Variants in CDHR3 observed in about 807,000 individuals in gnomAD.
CDHR3 encodes cadherin-related family member 3.
In CDHR3, 79 loss-of-function variants were observed where a neutral mutation model predicts 86.6. That is an observed-to-expected ratio of 0.91 (90% CI 0.76 to 1.10). The LOEUF is 1.10. Among genes scored for constraint, CDHR3 ranks in the 50% least tolerant of loss-of-function variants. The probability of loss-of-function intolerance (pLI) is 0.00; values close to 1 mark genes in which losing one functional copy is unlikely to be tolerated. For synonymous variants in CDHR3, 421 were observed against 402.4 expected, an observed-to-expected ratio of 1.05 and a Z score of -0.55; for missense variants, 1,081 against 1,077.6, an observed-to-expected ratio of 1.00 and a Z score of -0.04.
chr7:105,971,815 C>G (rs889361245), intron 1 of CDHR3, among the ~76,000 whole-genome samples: 1 of 152,172 alleles, frequency 6.6e-6, no homozygotes, highest in Non-Finnish European at 1.5e-5. Context: ...TGAGCTCACA[C>G]CACGCTCACA....
At chr7:105,969,259 C>T (rs1237687666) in intron 1 of CDHR3, among the ~76,000 whole-genome samples, 2 of 149,656 alleles carry the variant, frequency 1.3e-5, no homozygotes, top group Non-Finnish European at 3.0e-5. Flanking sequence ...ATTAGCCGGG[C>T]GAGGTGGCGG....
chr7:105,971,370 C>T (rs1827950361), intron 1 of CDHR3, among the ~76,000 whole-genome samples: 1 of 152,136 alleles, frequency 6.6e-6, no homozygotes, highest in Non-Finnish European at 1.5e-5. Context: ...TGGCTTTCAC[C>T]ATACATGGGA....
chr7:105,991,102 T>C (rs1831287124), intron 4 of CDHR3, among the ~76,000 whole-genome samples: 2 of 152,240 alleles, frequency 1.3e-5, no homozygotes, highest in South Asian at 4.1e-4. Context: ...CTCAGGACTT[T>C]TCTTAGCCAG....
intron 6 of CDHR3, among the ~76,000 whole-genome samples, chr7:105,998,009 T>C (rs1223064198): frequency 6.6e-6 from 1 of 152,148 alleles, no homozygotes; most frequent in African/African-American, 2.4e-5. Context: ...AGGGTGTGTC[T>C]GCCAGAGCCT....
rs1037443393 is a variant in CDHR3 at position 106,000,642 on chromosome 7, G to C, written c.714-820G>C. 2.7e-4 allele frequency among the ~76,000 whole-genome samples: 41 copies of C among 152,098 alleles called. 1 individual carries two copies. The highest frequency in any genetic ancestry group is 1.5e-3 in the Admixed American group (23 of 15,278). On this transcript the variant is annotated intron_variant, in intron 6 of 18. Coordinates refer to ENST00000317716, the MANE Select transcript of CDHR3 (RefSeq NM_152750.5). ...TGTTTTAAACAATAAGCCTCCCTTA[G>C]AGCATTCAAAATTACTCAATGTATA...
At chr7:106,024,275 G>A (rs1837018764) in intron 14 of CDHR3, 106 bp from the exon 15 acceptor site, 9 of 955,380 alleles carry the variant, frequency 9.4e-6, no homozygotes, top group Non-Finnish European at 1.4e-5. Context: ...AACTTATAGA[G>A]CAATAACAAT....
intron 12 of CDHR3, among the ~76,000 whole-genome samples, chr7:106,019,860 G>C (rs1468386874): frequency 6.6e-6 from 1 of 152,202 alleles, no homozygotes; most frequent in Non-Finnish European, 1.5e-5. Flanking sequence ...TGGTTCTGAA[G>C]TGGGCCCAAG....
chr7:106,016,784 C>T (rs1835696872), intron 11 of CDHR3, among the ~76,000 whole-genome samples: 2 of 151,470 alleles, frequency 1.3e-5, no homozygotes. Context: ...ATGCAAAATG[C>T]AAGTCCAAAG....
At chr7:106,008,204 C>T (rs923665586) in intron 8 of CDHR3, among the ~76,000 whole-genome samples, 1 of 151,988 alleles carries the variant, frequency 6.6e-6, no homozygotes, top group Non-Finnish European at 1.5e-5. Flanking sequence ...CACAGCCAAA[C>T]CATATCAGAT....
intron 12 of CDHR3, among the ~76,000 whole-genome samples, chr7:106,019,945 G>A (rs1392897579): frequency 6.6e-6 from 1 of 152,090 alleles, no homozygotes; most frequent in Non-Finnish European, 1.5e-5. Flanking sequence ...GGGGCAGCAG[G>A]CAAGGTGGCA....
intron 17 of CDHR3, among the ~76,000 whole-genome samples, chr7:106,028,925 T>TTTCTTTCTTTCC (rs1837825993): frequency 1.1e-5 from 1 of 88,282 alleles, no homozygotes; most frequent in Non-Finnish European, 2.3e-5. Context: ...ATTTTCTTTC[T>TTTCTTTCTTTCC]TTCTTTCTTT....
chr7:105,992,688 T>G (rs577958668), intron 4 of CDHR3, among the ~76,000 whole-genome samples: 80 of 152,272 alleles, frequency 5.3e-4, no homozygotes, highest in African/African-American at 1.9e-3. Context: ...GACTTAAGAA[T>G]AGGGGTAAAT....
intron 18 of CDHR3, 142 bp from the exon 19 acceptor site, chr7:106,032,251 C>A: frequency 1.2e-6 from 1 of 805,530 alleles, no homozygotes; most frequent in Non-Finnish European, 1.9e-6. Flanking sequence ...ATTCACACAC[C>A]TACTGTCTGT....
intron 6 of CDHR3, among the ~76,000 whole-genome samples, chr7:105,997,660 C>T (rs1320295315): frequency 6.6e-6 from 1 of 152,142 alleles, no homozygotes; most frequent in East Asian, 1.9e-4. Context: ...TGACACCTTC[C>T]CCACAAGTCC....
At chr7:105,998,788 CA>C (rs1225026343) in intron 6 of CDHR3, among the ~76,000 whole-genome samples, 5 of 148,670 alleles carry the variant, frequency 3.4e-5, no homozygotes, top group African/African-American at 1.2e-4. Flanking sequence ...CCATCTCAAA[CA>C]AAAAAGAAAA....
rs769721110 is a variant in CDHR3, at chr7:106,015,915, T to C, written c.1328-12T>C. ...GATTTGTGATTAAATGTGTTTCTAT[T>C]TCCATTTTTAGATAACGTCTACGTT... is the stretch of plus-strand genomic sequence containing the variant. On this transcript the variant is annotated splice_polypyrimidine_tract_variant and intron_variant, in intron 10 of 18. Coordinates refer to ENST00000317716, the MANE Select transcript of CDHR3 (RefSeq NM_152750.5). 1 of 1,565,588 alleles carries C rather than the reference T, an allele frequency of 6.4e-7. No homozygotes were observed. Among genetic ancestry groups the C allele is most frequent in the Non-Finnish European group, 8.8e-7 (1 of 1,138,374 alleles).
At position 105,975,042 on chromosome 7, in the gene CDHR3, T is replaced by A. The variant is rs1828584366; in HGVS notation, c.245T>A (p.Phe82Tyr). Residue 82 changes from phenylalanine (F) to tyrosine (Y), a missense_variant, in exon 2 of 19, where the codon TTT (phenylalanine) becomes TAT (tyrosine). Phe to Tyr is a conservative substitution (Grantham distance 22). Coordinates refer to ENST00000317716, the MANE Select transcript of CDHR3 (RefSeq NM_152750.5). ...GTGAATTGGCTGTCAGGCACCTACTTTGAGGTAAGTAACAACTTACCAACA... is the reference window on the plus strand; with the variant it reads ...GTGAATTGGCTGTCAGGCACCTACTATGAGGTAAGTAACAACTTACCAACA... Reference protein sequence around the residue: ...FRVNWLSGTYFEVVTTGMEQL... With the variant: ...FRVNWLSGTYYEVVTTGMEQL... 6.2e-7 allele frequency: 1 copy of A among 1,612,854 alleles called. No individual in the cohort carries two copies. The highest frequency in any genetic ancestry group is 8.5e-7 in the Non-Finnish European group (1 of 1,178,858).
chr7:105,965,165 A>G (rs1826672010), intron 1 of CDHR3, among the ~76,000 whole-genome samples: 1 of 152,108 alleles, frequency 6.6e-6, no homozygotes, highest in Non-Finnish European at 1.5e-5. Context: ...TGTGACACAA[A>G]CTGTTTCTTT....
At chr7:106,022,077 A>G in intron 13 of CDHR3, 121 bp from the exon 14 acceptor site, 1 of 1,222,776 alleles carries the variant, frequency 8.2e-7, no homozygotes. Context: ...TATCAGAGAC[A>G]CAGTCTACAC....
Sources: gnomAD v4.1 joint callset for allele counts (sites outside exome capture counted in the v4.1 genomes callset) on GRCh38, gnomAD v4.1.1 for gene constraint, MANE v1.5 for transcripts, NCBI Gene and HGNC (gene_info 2026-07-23, HGNC 2026-07-21) for gene names.